The following MAP3K4 variants were observed in gnomAD, a reference collection of about 807,000 sequenced individuals.
The protein encoded by MAP3K4 is MAP three kinase 1.
In MAP3K4, 67 loss-of-function variants were observed where a neutral mutation model predicts 185.6. The ratio of observed to expected loss-of-function variants is 0.36; its 90% CI spans 0.30 to 0.44. The LOEUF is 0.44. Among genes scored for constraint, MAP3K4 ranks in the 20% least tolerant of loss-of-function variants. The probability of loss-of-function intolerance (pLI) is 1.00; values close to 1 mark genes in which losing one functional copy is unlikely to be tolerated. For synonymous variants in MAP3K4, 702 were observed against 710.4 expected (o/e 0.99, Z 0.19); for missense variants, 1,551 against 1,995.1 (o/e 0.78, Z 4.24).
At position 161,109,465 on chromosome 6, in the gene MAP3K4, A is replaced by G. The variant is rs1192233993; in HGVS notation, c.4237-290A>G. Among the ~76,000 whole-genome samples the G allele has an allele frequency of 2.0e-5, 3 of 152,230 alleles. No individual in the cohort carries two copies. The highest frequency in any genetic ancestry group is 4.4e-5 in the Non-Finnish European group (3 of 68,046). ...GCCCTGTTGGTCCCTGTCTGAGATT[A>G]TATAGCAGACTTAATTTCAGAGGAT... On this transcript the variant is annotated intron_variant, in intron 22 of 26. Coordinates refer to ENST00000392142, the MANE Select transcript of MAP3K4 (RefSeq NM_005922.4). The surrounding 1 kb of genome is among the most constrained non-coding windows in gnomAD (Gnocchi z 5.7).
rs1782475314 is a variant in MAP3K4 at position 161,022,993 on chromosome 6, A to G, written c.153-11266A>G. ...GCTGATTGAAAACATAAACAAGTAT[A>G]AATGTTTTATTCCCATTTAACATAA... On this transcript the variant is annotated intron_variant, in intron 1 of 26. Transcript: ENST00000392142. The surrounding 1 kb of genome is among the most constrained non-coding windows in gnomAD (Gnocchi z 4.2). Among the ~76,000 whole-genome samples the G allele has an allele frequency of 6.6e-6, 1 of 152,182 alleles. No homozygotes were observed. Among genetic ancestry groups the G allele is most frequent in the Non-Finnish European group, 1.5e-5 (1 of 68,034 alleles).
At chr6:161,001,793 A>G (rs1196834665) in intron 1 of MAP3K4, among the ~76,000 whole-genome samples, 1 of 152,212 alleles carries the variant, frequency 6.6e-6, no homozygotes, top group Non-Finnish European at 1.5e-5. Flanking sequence ...GGCAAAAATA[A>G]TAACATCTTC....
At chr6:161,059,540 T>G (rs1784398073) in intron 3 of MAP3K4, among the ~76,000 whole-genome samples, 1 of 152,232 alleles carries the variant, frequency 6.6e-6, no homozygotes, top group African/African-American at 2.4e-5. Context: ...CATTTTCTGT[T>G]AGGCTGCCTT....
At chr6:161,102,833 C>CA in intron 19 of MAP3K4, 54 bp downstream of exon 19, 1 of 1,161,492 alleles carries the variant, frequency 8.6e-7, no homozygotes, top group Non-Finnish European at 1.2e-6. Flanking sequence ...AACACGATTA[C>CA]ACATAAGGGG....
intron 1 of MAP3K4, among the ~76,000 whole-genome samples, chr6:161,021,128 A>G (rs1222469722): frequency 6.6e-6 from 1 of 152,106 alleles, no homozygotes; most frequent in Non-Finnish European, 1.5e-5. Context: ...TACATCTTTG[A>G]TGTTGGGTCA....
chr6:161,000,963 AATATACACAT>A (rs1781262522), intron 1 of MAP3K4, among the ~76,000 whole-genome samples: 8 of 138,156 alleles, frequency 5.8e-5, no homozygotes, highest in African/African-American at 2.2e-4. Context: ...TATTATATAT[AATATACACAT>A]ATGTATATAA....
intron 19 of MAP3K4, among the ~76,000 whole-genome samples, chr6:161,105,317 G>C (rs1435022101): frequency 6.6e-6 from 1 of 152,230 alleles, no homozygotes; most frequent in Admixed American, 6.5e-5. Flanking sequence ...GAGTTTTACT[G>C]TGTTCTAGCC....
chr6:161,093,688 A>G lies in MAP3K4; in HGVS notation c.3349-85A>G. 1.3e-6 allele frequency: 1 copy of G among 764,828 alleles called. No individual in the cohort carries two copies. Among genetic ancestry groups the G allele is most frequent in the Non-Finnish European group, 2.2e-6 (1 of 458,344 alleles). 47.4% of individuals were successfully genotyped at this position (764,828 alleles called of 1,614,324 possible). A position where few individuals can be genotyped will look rare whatever the true frequency, so the allele number is the denominator to read the frequency against. ...TTGGGTAGCATGTTTTTAAAAATAT[A>G]CTGAAAATTAATTTGTGCTACTTAC... On this transcript the variant is annotated intron_variant, in intron 14 of 26. Coordinates refer to ENST00000392142, the MANE Select transcript of MAP3K4 (RefSeq NM_005922.4). This position sits in a 1 kb window ranked among gnomAD's most constrained non-coding sequence, Gnocchi z 5.2.
chr6:161,067,594 AAATT>A lies in MAP3K4; in HGVS notation c.1708-3010_1708-3007del, dbSNP rs201990752. Among the ~76,000 whole-genome samples, 6,454 of 152,330 alleles carry A rather than the reference AAATT, an allele frequency of 0.042. 182 individuals are homozygous for A. Among genetic ancestry groups the A allele is most frequent in the Non-Finnish European group, 0.052 (3,527 of 68,022 alleles). ...AAGTATGTATTAAATGTAGAAGGAT[AAATT>A]AATCTTGTTTTCCTTAGTGCTAATG... On this transcript the variant is annotated intron_variant, in intron 3 of 26. Coordinates refer to ENST00000392142, the MANE Select transcript of MAP3K4 (RefSeq NM_005922.4). The surrounding 1 kb of genome is among the most constrained non-coding windows in gnomAD (Gnocchi z 6.3).
In MAP3K4 at chr6:161,106,674, G is replaced by A; in HGVS notation, c.4017G>A (p.Val1339=). 5 of 1,611,350 alleles carry A rather than the reference G, an allele frequency of 3.1e-6. No individual in the cohort carries two copies. Among genetic ancestry groups the A allele is most frequent in the African/African-American group, 1.3e-5 (1 of 74,836 alleles). Residue 1339 remains valine (V), a synonymous_variant, in exon 20 of 27, where the codon GTG becomes GTA. Coordinates refer to ENST00000392142, the MANE Select transcript of MAP3K4 (RefSeq NM_005922.4). This position sits in a 1 kb window ranked among gnomAD's most constrained non-coding sequence, Gnocchi z 4.9. ...DNVMHVGLRK[V]TFKWQRGNKI... The stretch of plus-strand genomic sequence containing the variant: ...TTATGCACGTTGGCTTGAGGAAGGT[G>A]ACCTTCAAATGGCAAAGAGGAAACA...
chr6:161,101,578 T>C lies in MAP3K4; in HGVS notation c.3675-314T>C. 1 of 197,834 alleles carries C rather than the reference T, an allele frequency of 5.1e-6. No individual in the cohort carries two copies. 12.3% of individuals were successfully genotyped at this position (197,834 alleles called of 1,614,324 possible). A position where few individuals can be genotyped will look rare whatever the true frequency, so the allele number is the denominator to read the frequency against. On this transcript the variant is annotated intron_variant, in intron 17 of 26. Transcript: ENST00000392142. This position sits in a 1 kb window ranked among gnomAD's most constrained non-coding sequence, Gnocchi z 5.1. ...AGGCAGGTGCTCTCAGGCTCGGGTG[T>C]TGGCTATGGAGAGATGAAAATGGAG...
Position 161,054,451 on chromosome 6 carries a change from G to T in MAP3K4, c.1707+4472G>T, listed in dbSNP as rs973256311. Among the ~76,000 whole-genome samples, 1 of 152,002 alleles carries T rather than the reference G, an allele frequency of 6.6e-6. No homozygotes were observed. Among genetic ancestry groups the T allele is most frequent in the Admixed American group, 6.6e-5 (1 of 15,266 alleles). ...ATGATAGGTGTGAGCCACCGCGCCCGGCCCAAACTAATTTTTCTCTAAAAC... is the reference window on the plus strand; with the variant it reads ...ATGATAGGTGTGAGCCACCGCGCCCTGCCCAAACTAATTTTTCTCTAAAAC... On this transcript the variant is annotated intron_variant, in intron 3 of 26. Transcript: ENST00000392142. This position sits in a 1 kb window ranked among gnomAD's most constrained non-coding sequence, Gnocchi z 4.2.
chr6:161,031,820 T>C (rs569233723), intron 1 of MAP3K4, among the ~76,000 whole-genome samples: 2 of 152,334 alleles, frequency 1.3e-5, no homozygotes, highest in Non-Finnish European at 2.9e-5. Flanking sequence ...CTTAGAAAGA[T>C]TCAATAATGG....
intron 1 of MAP3K4, among the ~76,000 whole-genome samples, chr6:161,000,242 T>G (rs1781205630): frequency 6.6e-6 from 1 of 152,238 alleles, no homozygotes; most frequent in South Asian, 2.1e-4. Flanking sequence ...TAAATTGATT[T>G]TATTACCCAC....
At chr6:161,027,234 C>G (rs1335946714) in intron 1 of MAP3K4, among the ~76,000 whole-genome samples, 3 of 152,084 alleles carry the variant, frequency 2.0e-5, no homozygotes, top group Non-Finnish European at 4.4e-5. Context: ...TTTTTCTGTC[C>G]CCACCAATTG....
rs965357316 is a variant in MAP3K4 at position 161,064,436 on chromosome 6, A to G, written c.1708-6172A>G. On this transcript the variant is annotated intron_variant, in intron 3 of 26. Transcript: ENST00000392142. This position sits in a 1 kb window ranked among gnomAD's most constrained non-coding sequence, Gnocchi z 4.3. ...TACATTAGATAACCCATTATTTTCCAACTTCTTAAACTGCTGCCTTTTTTT... is the reference window on the plus strand; with the variant it reads ...TACATTAGATAACCCATTATTTTCCGACTTCTTAAACTGCTGCCTTTTTTT... Among the ~76,000 whole-genome samples the G allele has an allele frequency of 6.6e-6, 1 of 151,148 alleles. No homozygotes were observed. The highest frequency in any genetic ancestry group is 2.4e-5 in the African/African-American group (1 of 41,204).
In MAP3K4 at chr6:161,097,149, T is replaced by C. The variant is rs775876759; in HGVS notation, c.3497T>C (p.Leu1166Pro). 1.9e-6 allele frequency: 3 copies of C among 1,614,124 alleles called. No homozygotes were observed. Among genetic ancestry groups the C allele is most frequent in the Non-Finnish European group, 2.5e-6 (3 of 1,179,992 alleles). Reference sequence around the variant, plus strand: ...CATAGTGACCCTCCTAACCCACACCTCATTATCCCCACTCCAGAGGGATTC... The same window carrying C: ...CATAGTGACCCTCCTAACCCACACCCCATTATCCCCACTCCAGAGGGATTC... ...RCHSDPPNPH[L>P]IIPTPEGFST... The change falls in exon 16 of 27, where the codon CTC becomes CCC. Residue 1166 changes from leucine to proline, a missense_variant. Leu to Pro is a moderately conservative substitution (Grantham distance 98). Around this residue, in one of 16 missense-constraint regions of MAP3K4, gnomAD observed 272 missense variants for 301.2 expected, o/e 0.90. Coordinates refer to ENST00000392142, the MANE Select transcript of MAP3K4 (RefSeq NM_005922.4). This position sits in a 1 kb window ranked among gnomAD's most constrained non-coding sequence, Gnocchi z 4.9.
Position 161,077,153 on chromosome 6 carries a change from A to G in MAP3K4, c.2097+3541A>G, listed in dbSNP as rs1341746336. 6.6e-6 allele frequency among the ~76,000 whole-genome samples: 1 copy of G among 152,062 alleles called. No individual in the cohort carries two copies. The highest frequency in any genetic ancestry group is 1.5e-5 in the Non-Finnish European group (1 of 68,042). On this transcript the variant is annotated intron_variant, in intron 5 of 26. Transcript: ENST00000392142. This position sits in a 1 kb window ranked among gnomAD's most constrained non-coding sequence, Gnocchi z 4.3. ...TAAGAGATTGTTTTAAAAAGCGTAT[A>G]GACTAGAAGGAAATGTGCTCAGTTC...
chr6:161,012,632 T>C (rs1781902244), intron 1 of MAP3K4, among the ~76,000 whole-genome samples: 1 of 152,142 alleles, frequency 6.6e-6, no homozygotes, highest in Admixed American at 6.5e-5. Context: ...TTAAGAGACG[T>C]ATTAGTGCAG....
Sources: allele counts gnomAD v4.1 joint callset (sites outside exome capture counted in the v4.1 genomes callset), GRCh38; gene constraint gnomAD v4.1.1; regional missense constraint gnomAD v4.1.1; non-coding constraint Gnocchi (gnomAD v3.1); transcripts MANE v1.5; gene names NCBI Gene and HGNC (gene_info 2026-07-23, HGNC 2026-07-21).